The following PDE11A variants were observed in gnomAD, a reference collection of about 807,000 sequenced individuals.
The protein encoded by PDE11A is dual 3',5'-cyclic-AMP and -GMP phosphodiesterase 11A.
Under a neutral mutation model 100.5 loss-of-function variants are expected in PDE11A, and 100 were observed. The ratio of observed to expected loss-of-function variants is 1.00; its 90% confidence interval spans 0.85 to 1.18. The LOEUF is 1.18. Among genes scored for constraint, PDE11A ranks in the 50% most tolerant of loss-of-function variants. PDE11A has a pLI of 0.00. For missense variants in PDE11A, 1,141 were observed against 1,152.6 expected (o/e 0.99, Z 0.15); for synonymous variants, 381 against 420.8 (o/e 0.91, Z 1.16).
intron 1 of PDE11A, among the ~76,000 whole-genome samples, chr2:178,021,426 T>G (rs2086410488): frequency 6.6e-6 from 1 of 152,226 alleles, no homozygotes; most frequent in Non-Finnish European, 1.5e-5. Context: ...TTATGTACTT[T>G]CTTAATATAT....
intron 10 of PDE11A, among the ~76,000 whole-genome samples, chr2:177,746,902 T>C (rs184805489): frequency 5.1e-4 from 78 of 152,320 alleles, no homozygotes; most frequent in Non-Finnish European, 1.0e-3. Flanking sequence ...TATCTAACAT[T>C]AGCATCAAAT....
intron 2 of PDE11A, among the ~76,000 whole-genome samples, chr2:178,082,351 A>AGAAATACAATTTT (rs1237783116): frequency 6.6e-6 from 1 of 152,222 alleles, no homozygotes; most frequent in Non-Finnish European, 1.5e-5. Flanking sequence ...TACACCTGAA[A>AGAAATACAATTTT]GAAATACAAT....
intron 2 of PDE11A, among the ~76,000 whole-genome samples, chr2:177,930,544 CAG>C (rs1461735658): frequency 6.6e-6 from 1 of 151,956 alleles, no homozygotes; most frequent in Non-Finnish European, 1.5e-5. Flanking sequence ...CTCTGAGTAA[CAG>C]AGAATACTGA....
At chr2:177,735,968 G>A (rs1187629582) in intron 10 of PDE11A, among the ~76,000 whole-genome samples, 3 of 152,150 alleles carry the variant, frequency 2.0e-5, no homozygotes, top group African/African-American at 4.8e-5. Context: ...GGCCGTTTTC[G>A]TATGGGAAAG....
chr2:178,037,071 C>T (rs1160699505), intron 1 of PDE11A, among the ~76,000 whole-genome samples: 1 of 152,148 alleles, frequency 6.6e-6, no homozygotes, highest in African/African-American at 2.4e-5. Flanking sequence ...AAACTATCAT[C>T]AGAGTGAACA....
intron 2 of PDE11A, among the ~76,000 whole-genome samples, chr2:177,969,985 T>G (rs938488587): frequency 6.6e-6 from 1 of 152,198 alleles, no homozygotes. Context: ...TATTGAATGG[T>G]ATCATATGGG....
At chr2:177,791,346 G>A (rs1225869596) in intron 9 of PDE11A, among the ~76,000 whole-genome samples, 6 of 141,632 alleles carry the variant, frequency 4.2e-5, no homozygotes, top group Non-Finnish European at 1.5e-5. Flanking sequence ...ATGAGAACAC[G>A]TGGACACAGG....
chr2:177,675,261 A>T (rs960004327), intron 17 of PDE11A, among the ~76,000 whole-genome samples, 194 bp downstream of exon 17: 16 of 80,102 alleles, frequency 2.0e-4, no homozygotes, highest in African/African-American at 5.4e-4. Flanking sequence ...TGAAAGCACG[A>T]TAAAAAAAAA....
intron 9 of PDE11A, among the ~76,000 whole-genome samples, chr2:177,769,723 C>CA (rs1397494928): frequency 1.3e-5 from 2 of 151,698 alleles, no homozygotes; most frequent in African/African-American, 4.8e-5. Flanking sequence ...CTTGTCTCTA[C>CA]AAAAAATTCA....
rs1203067052 is a variant in PDE11A, at chr2:177,632,504, T to C, written c.2647-2942A>G. On this transcript the variant is annotated intron_variant, in intron 19 of 19. Coordinates refer to ENST00000286063, the MANE Select transcript of PDE11A (RefSeq NM_016953.4). ...CTCTCATGAATTCTGACATTGTTCT[T>C]TGAATGTAATCTTATGTCACTTGAG... Among the ~76,000 whole-genome samples the C allele has an allele frequency of 3.9e-5, 6 of 152,192 alleles. No homozygotes were observed. In the South Asian group the frequency reaches 1.0e-3, roughly 26 times the overall value.
rs5836641 is a variant in PDE11A at position 178,040,061 on chromosome 2, C to CTTT, written c.913-25604_913-25602dup. On this transcript the variant is annotated intron_variant, in intron 1 of 19. Transcript: ENST00000286063. ...GCACCAGAAGATTTCAATGTAGTGG[C>CTTT]TTTTTTTTTTTTTTTTTTTTGAGAC... 2.6e-3 allele frequency among the ~76,000 whole-genome samples: 284 copies of CTTT among 109,682 alleles called. 2 individuals carry two copies. Among genetic ancestry groups the CTTT allele is most frequent in the African/African-American group, 8.0e-3 (237 of 29,772 alleles). 72.0% of individuals were successfully genotyped at this position (109,682 alleles called of 152,430 possible).
intron 19 of PDE11A, among the ~76,000 whole-genome samples, chr2:177,659,791 T>TC (rs1163546271): frequency 6.9e-6 from 1 of 145,486 alleles, no homozygotes; most frequent in East Asian, 1.9e-4. Context: ...TTTTTTTTTT[T>TC]CCCCCTCCAA....
intron 2 of PDE11A, among the ~76,000 whole-genome samples, chr2:177,935,349 A>G (rs1247766734): frequency 2.0e-5 from 3 of 149,848 alleles, no homozygotes; most frequent in Non-Finnish European, 2.9e-5. Context: ...GTTGGGCTAA[A>G]TAGCCACGAA....
intron 1 of PDE11A, among the ~76,000 whole-genome samples, chr2:178,057,586 A>G (rs1447883019): frequency 6.6e-6 from 1 of 152,108 alleles, no homozygotes; most frequent in Non-Finnish European, 1.5e-5. Context: ...TGCAGAATAC[A>G]TTTTCTTTGC....
At chr2:177,630,005 T>C (rs151090494) in intron 19 of PDE11A, among the ~76,000 whole-genome samples, 1 of 152,360 alleles carries the variant, frequency 6.6e-6, no homozygotes, top group East Asian at 1.9e-4. Context: ...TGACTCTGGG[T>C]GGACTTACTT....
intron 13 of PDE11A, 48 bp downstream of exon 13, chr2:177,711,721 G>A (rs1357668337): frequency 1.9e-6 from 2 of 1,052,778 alleles, no homozygotes; most frequent in Admixed American, 1.8e-5. Context: ...CTTTGGCTCT[G>A]AACAGAAAGG....
intron 9 of PDE11A, among the ~76,000 whole-genome samples, chr2:177,799,540 A>G (rs139391828): frequency 1.3e-5 from 2 of 152,302 alleles, no homozygotes; most frequent in African/African-American, 4.8e-5. Flanking sequence ...TACCTAAATG[A>G]AAACCTAGAA....
At chr2:177,956,682 T>G (rs1469727130) in intron 2 of PDE11A, among the ~76,000 whole-genome samples, 2 of 151,938 alleles carry the variant, frequency 1.3e-5, no homozygotes, top group African/African-American at 4.8e-5. Flanking sequence ...AACGATAGAC[T>G]GGATTAAGAA....
At chr2:177,945,503 CG>C (rs934311802) in intron 2 of PDE11A, among the ~76,000 whole-genome samples, 2 of 146,188 alleles carry the variant, frequency 1.4e-5, no homozygotes, top group African/African-American at 5.0e-5. Context: ...GGCCTCTGCC[CG>C]GCCGAGACCC....
Sources: gnomAD v4.1 joint callset for allele counts (sites outside exome capture counted in the v4.1 genomes callset) on GRCh38, gnomAD v4.1.1 for gene constraint, MANE v1.5 for transcripts, NCBI Gene and HGNC (gene_info 2026-07-23, HGNC 2026-07-21) for gene names.